Variants in GRK1 observed in about 807,000 individuals in gnomAD.
GRK1 encodes the protein rhodopsin kinase GRK1.
GRK1 carries 28 observed loss-of-function variants against 41.7 expected under a neutral mutation model. The ratio of observed to expected loss-of-function variants is 0.67; its 90% CI spans 0.50 to 0.92. The LOEUF is 0.92. GRK1 is among the 40% of genes least tolerant of loss of function. The pLI is 0.00. For missense variants in GRK1, 703 were observed against 671.2 expected (o/e 1.05, Z -0.52); for synonymous variants, 327 against 286.7 (o/e 1.14, Z -1.42).
At position 113,733,658 on chromosome 13, in the gene GRK1, TGTGCGTGTGTGC is replaced by T. The variant is rs1450100352; in HGVS notation, c.1396+574_1396+585del. On this transcript the variant is annotated intron_variant, in intron 6 of 6. Transcript: ENST00000335678. ...GCTCATGTATGTGTGCATACGTGTG[TGTGCGTGTGTGC>T]ACGTGTGTGCATGTATGTGTGCATA... Among the ~76,000 whole-genome samples the T allele has an allele frequency of 1.6e-4, 16 of 99,188 alleles. 1 individual carries two copies. Among genetic ancestry groups the T allele is most frequent in the Admixed American group, 1.3e-3 (16 of 12,006 alleles). The allele number at this position is 99,188 out of a possible 152,430, so 65.1% of individuals were successfully genotyped here.
At chr13:113,651,051 C>T in the GRK1 span, among the ~76,000 whole-genome samples, 1 of 118,170 alleles carries the variant, frequency 8.5e-6, no homozygotes, top group African/African-American at 3.2e-5. Context: ...TCCCCGCGGC[C>T]CCCACCGAGA....
In GRK1 at chr13:113,726,468, C is replaced by T. The variant is rs554073453; in HGVS notation, c.1069+3311C>T. On this transcript the variant is annotated intron_variant, in intron 4 of 6. Coordinates refer to ENST00000335678, the MANE Select transcript of GRK1 (RefSeq NM_002929.3). ...GTCAGGGGCGGGATCCAGGGGCGTG[C>T]ACAGGGCGGGGCCGGTCATGCGCGG... 2.4e-4 allele frequency: 37 copies of T among 152,510 alleles called. No homozygotes were observed. In the South Asian group the frequency reaches 6.1e-3, roughly 25 times the overall value. The allele number at this position is 152,510 out of a possible 1,614,324, so 9.4% of individuals were successfully genotyped here.
intron 4 of GRK1, among the ~76,000 whole-genome samples, chr13:113,729,410 A>G (rs1207319041): frequency 6.6e-6 from 1 of 152,240 alleles, no homozygotes; most frequent in East Asian, 1.9e-4. Context: ...ATGGCTGGAC[A>G]CACATGTGAT....
At chr13:113,672,517 T>G (rs2049864754) in intron 3 of GRK1, among the ~76,000 whole-genome samples, 2 of 148,104 alleles carry the variant, frequency 1.4e-5, no homozygotes, top group South Asian at 4.3e-4. Context: ...GTAAATTGTG[T>G]GGTGTGTGTG....
intron 6 of GRK1, among the ~76,000 whole-genome samples, chr13:113,733,715 ACGTGTGTGTGCGCG>A (rs1184148686): frequency 5.2e-5 from 5 of 97,034 alleles, no homozygotes; most frequent in South Asian, 3.2e-4. Context: ...GTGTGTGCGC[ACGTGTGTGTGCGCG>A]CGTGTGTATG....
chr13:113,652,979 A>G, the GRK1 span: 1 of 1,614,044 alleles, frequency 6.2e-7, no homozygotes, highest in Non-Finnish European at 8.5e-7. Context: ...CTTGCAGGAG[A>G]ACTTGGTGTG....
the GRK1 span, chr13:113,650,512 G>T: frequency 6.2e-7 from 1 of 1,608,522 alleles, no homozygotes. This position sits in a 1 kb window ranked among gnomAD's most constrained non-coding sequence, Gnocchi z 5.0. Context: ...CTGGTCCTGG[G>T]GAGGAGAGGC....
rs1355299202 is a variant in GRK1 at position 113,671,449 on chromosome 13, T to C, written c.828-50T>C. ...GCCCCAGCTCTGTCTTTCCATGATTTTACTCCCCATTAAACCCGGGGTGCA... is the reference window on the plus strand; with the variant it reads ...GCCCCAGCTCTGTCTTTCCATGATTCTACTCCCCATTAAACCCGGGGTGCA... On this transcript the variant is annotated intron_variant, in intron 2 of 6. Transcript: ENST00000335678. This position sits in a 1 kb window ranked among gnomAD's most constrained non-coding sequence, Gnocchi z 4.1. 3.9e-6 allele frequency: 3 copies of C among 773,642 alleles called. No homozygotes were observed. Among genetic ancestry groups the C allele is most frequent in the Non-Finnish European group, 7.2e-6 (3 of 417,360 alleles). The allele number at this position is 773,642 out of a possible 1,614,324, so 47.9% of individuals were successfully genotyped here. A position where few individuals can be genotyped will look rare whatever the true frequency, so the allele number is the denominator to read the frequency against.
the GRK1 span, among the ~76,000 whole-genome samples, chr13:113,658,799 C>T: frequency 3.3e-5 from 5 of 152,194 alleles, no homozygotes; most frequent in African/African-American, 1.2e-4. Flanking sequence ...GCACCGAGGG[C>T]CCTTTAGGAT....
chr13:113,649,192 G>T, the GRK1 span: 1 of 565,892 alleles, frequency 1.8e-6, no homozygotes, highest in Non-Finnish European at 3.0e-6. The surrounding 1 kb of genome is among the most constrained non-coding windows in gnomAD (Gnocchi z 4.7). Flanking sequence ...AGGAAGAACT[G>T]ATACTCGCGA....
At chr13:113,653,160 G>T in the GRK1 span, 2 of 1,484,102 alleles carry the variant, frequency 1.3e-6, no homozygotes, top group East Asian at 2.3e-5. Flanking sequence ...CCCTGAGTGC[G>T]AGTTTCTCAT....
Position 113,671,468 on chromosome 13 carries a change from G to A in GRK1, c.828-31G>A, listed in dbSNP as rs2049856211. ...ATGATTTTACTCCCCATTAAACCCG[G>A]GGTGCATGGTTCCCACGTGTCTTCC... is the stretch of plus-strand genomic sequence containing the variant. On this transcript the variant is annotated intron_variant, in intron 2 of 6. Transcript: ENST00000335678. This position sits in a 1 kb window ranked among gnomAD's most constrained non-coding sequence, Gnocchi z 4.1. 3 of 777,406 alleles carry A rather than the reference G, an allele frequency of 3.9e-6. No homozygotes were observed. The highest frequency in any genetic ancestry group is 2.7e-5 in the South Asian group (2 of 74,602). The allele number at this position is 777,406 out of a possible 1,614,324, so 48.2% of individuals were successfully genotyped here. A position where few individuals can be genotyped will look rare whatever the true frequency, so the allele number is the denominator to read the frequency against.
chr13:113,651,763 C>T, the GRK1 span: 6 of 1,607,436 alleles, frequency 3.7e-6, no homozygotes, highest in African/African-American at 1.3e-5. Flanking sequence ...CCGCTCCCCA[C>T]CCCCACCGCC....
the GRK1 span, among the ~76,000 whole-genome samples, chr13:113,652,116 C>T: frequency 6.6e-6 from 1 of 152,234 alleles, no homozygotes; most frequent in Non-Finnish European, 1.5e-5. Context: ...CTCTCTGGCC[C>T]ACCCGGGCCT....
chr13:113,667,418 C>T lies in GRK1; in HGVS notation c.32C>T (p.Ala11Val). 3 of 1,596,858 alleles carry T rather than the reference C, an allele frequency of 1.9e-6. No individual in the cohort carries two copies. Among genetic ancestry groups the T allele is most frequent in the Non-Finnish European group, 2.6e-6 (3 of 1,170,288 alleles). MDFGSLETVV[A>V]NSAFIAARGS... is the part of the protein sequence containing the mutation. ...TTCGGGTCTTTGGAGACCGTGGTGG[C>T]CAACTCTGCCTTCATCGCCGCCCGA... is the stretch of plus-strand genomic sequence containing the variant. The change falls in exon 1 of 7, where the codon GCC becomes GTC. Residue 11 changes from alanine (A) to valine (V), a missense_variant. Physicochemically the swap from Ala to Val is moderately conservative, Grantham distance 64 (BLOSUM62 0). Coordinates refer to ENST00000335678, the MANE Select transcript of GRK1 (RefSeq NM_002929.3). This position sits in a 1 kb window ranked among gnomAD's most constrained non-coding sequence, Gnocchi z 7.5.
At chr13:113,650,698 T>C in the GRK1 span, among the ~76,000 whole-genome samples, 1 of 152,170 alleles carries the variant, frequency 6.6e-6, no homozygotes, top group Admixed American at 6.5e-5. This position sits in a 1 kb window ranked among gnomAD's most constrained non-coding sequence, Gnocchi z 5.0. Flanking sequence ...ATATGATTTG[T>C]TAGCATGCAA....
chr13:113,648,750 C>T, the GRK1 span: 2 of 152,184 alleles, frequency 1.3e-5, no homozygotes, highest in Admixed American at 6.5e-5. Context: ...CAACCCCACA[C>T]CAACGTGGTT....
At chr13:113,653,556 A>G in the GRK1 span, 1 of 745,398 alleles carries the variant, frequency 1.3e-6, no homozygotes, top group Non-Finnish European at 2.3e-6. Context: ...CCTCGGAGTA[A>G]ACTGTCTGCA....
chr13:113,648,514 A>G, the GRK1 span, among the ~76,000 whole-genome samples: 4 of 152,200 alleles, frequency 2.6e-5, no homozygotes, highest in Non-Finnish European at 5.9e-5. Context: ...CTGGGTGAGA[A>G]GTCTGTGGCC....
Sources: allele counts gnomAD v4.1 joint callset (sites outside exome capture counted in the v4.1 genomes callset), GRCh38; gene constraint gnomAD v4.1.1; non-coding constraint Gnocchi (gnomAD v3.1); transcripts MANE v1.5; gene names NCBI Gene and HGNC (gene_info 2026-07-23, HGNC 2026-07-21).